SLC5A11: variants seen among roughly 807,000 people sequenced by gnomAD.
SLC5A11 encodes the protein solute carrier family 5 member 11, also known as sodium/myo-inositol cotransporter 2.
Under a neutral mutation model 69.8 loss-of-function variants are expected in SLC5A11, and 48 were observed. The ratio of observed to expected loss-of-function variants is 0.69; its 90% CI spans 0.55 to 0.87. SLC5A11 has a LOEUF of 0.87. SLC5A11 is among the 40% of genes least tolerant of loss of function. The pLI, the probability that SLC5A11 is intolerant of heterozygous loss-of-function variation, is 0.00. For missense variants in SLC5A11, 784 were observed against 866.1 expected (o/e 0.91, Z 1.19); for synonymous variants, 319 against 342.4 (o/e 0.93, Z 0.75).
chr16:24,890,591 T>TTCATGG (rs1313485490), intron 8 of SLC5A11, among the ~76,000 whole-genome samples: 4 of 151,814 alleles, frequency 2.6e-5, no homozygotes, highest in Non-Finnish European at 5.9e-5. Context: ...TTCATTACTT[T>TTCATGG]GTGACGGAGG....
At chr16:24,888,783 CTTTTTTTTTTTTTTTTTT>C (rs1169015317) in intron 8 of SLC5A11, among the ~76,000 whole-genome samples, 1 of 45,740 alleles carries the variant, frequency 2.2e-5, no homozygotes, top group African/African-American at 7.7e-5. Flanking sequence ...CGTGCCTGTC[CTTTTTTTTTTTTTTTTTT>C]TTTTTTTTTT....
chr16:24,911,534 T>C (rs2050530983), exon 16 of SLC5A11: 1 of 1,614,198 alleles, frequency 6.2e-7, no homozygotes, highest in South Asian at 1.1e-5. Context: ...TTTTGCTTAG[T>C]GTGGGGTGAA....
At chr16:24,848,309 C>T (rs2059117511) in intron 1 of SLC5A11, among the ~76,000 whole-genome samples, 2 of 151,974 alleles carry the variant, frequency 1.3e-5, no homozygotes, top group African/African-American at 2.4e-5. Context: ...GTGTGAGGGG[C>T]GGATTAAAAG....
intron 4 of SLC5A11, 64 bp from the exon 6 acceptor site, chr16:24,872,096 G>A: frequency 6.2e-7 from 1 of 1,604,828 alleles, no homozygotes; most frequent in African/African-American, 1.3e-5. Flanking sequence ...GGCGCAGAGG[G>A]AAATCCAAAT....
rs57145899 is a variant in SLC5A11, at chr16:24,900,918, TAAA to T, written c.1006+2828_1006+2830del. On this transcript the variant is annotated intron_variant, in intron 10 of 15. Transcript: ENST00000347898. ...GGACAACATAGCAAGACCCTATCTC[TAAA>T]AAAAAAAAAAAAAAAAAAGGAAAGA... Among the ~76,000 whole-genome samples, 699 of 116,596 alleles carry T rather than the reference TAAA, an allele frequency of 6.0e-3. 10 individuals carry two copies. The highest frequency in any genetic ancestry group is 0.019 in the African/African-American group (633 of 32,480). The allele number at this position is 116,596 out of a possible 152,430, so 76.5% of individuals were successfully genotyped here.
intron 1 of SLC5A11, among the ~76,000 whole-genome samples, chr16:24,849,622 A>ATATATATATATATATC (rs1459859144): frequency 7.8e-6 from 1 of 128,238 alleles, no homozygotes; most frequent in Non-Finnish European, 1.6e-5. Context: ...ATATATATAT[A>ATATATATATATATATC]TCCATGAGAG....
chr16:24,890,300 G>A (rs143631213), intron 8 of SLC5A11, among the ~76,000 whole-genome samples: 1,925 of 151,706 alleles, frequency 0.013, 49 homozygotes, highest in African/African-American at 0.044. Flanking sequence ...CCTGGCCAAC[G>A]TGGTGAAACC....
At chr16:24,868,434 C>CA (rs527506260) in intron 3 of SLC5A11, among the ~76,000 whole-genome samples, 25,785 of 128,692 alleles carry the variant, frequency 0.2, 2,416 homozygotes, top group South Asian at 0.32. Flanking sequence ...ACTAAAAATA[C>CA]AAAAAAAAAA....
At chr16:24,856,597 C>CAAAAAA (rs35867622) in intron 1 of SLC5A11, among the ~76,000 whole-genome samples, 23 of 88,812 alleles carry the variant, frequency 2.6e-4, no homozygotes, top group African/African-American at 3.9e-4. Flanking sequence ...ACTAAAAATA[C>CAAAAAA]AAAAAAAAAA....
At chr16:24,851,570 C>G (rs2059309038) in intron 1 of SLC5A11, among the ~76,000 whole-genome samples, 1 of 151,936 alleles carries the variant, frequency 6.6e-6, no homozygotes, top group Non-Finnish European at 1.5e-5. Context: ...AAACAAAACT[C>G]CTGGGCTCAA....
At chr16:24,890,503 A>G (rs2048708903) in intron 8 of SLC5A11, among the ~76,000 whole-genome samples, 1 of 57,886 alleles carries the variant, frequency 1.7e-5, no homozygotes, top group African/African-American at 5.7e-5. Context: ...AAAAAAAAAA[A>G]AAAAAAAAAA....
At chr16:24,848,914 G>A (rs1222619739) in intron 1 of SLC5A11, among the ~76,000 whole-genome samples, 1 of 152,214 alleles carries the variant, frequency 6.6e-6, no homozygotes, top group Non-Finnish European at 1.5e-5. Flanking sequence ...AAGGGTGATA[G>A]CACTAAAAAT....
At chr16:24,870,093 T>A (rs1331627078) in intron 4 of SLC5A11, 88 bp downstream of exon 5, 2 of 957,338 alleles carry the variant, frequency 2.1e-6, no homozygotes, top group African/African-American at 3.2e-5. Context: ...GCCCTGCACT[T>A]TAAAAATAGA....
At chr16:24,850,833 CAG>C in intron 1 of SLC5A11, among the ~76,000 whole-genome samples, 1 of 151,254 alleles carries the variant, frequency 6.6e-6, no homozygotes, top group South Asian at 2.1e-4. Context: ...TTCTTTAAGA[CAG>C]AGTCTTGCTC....
intron 9 of SLC5A11, among the ~76,000 whole-genome samples, chr16:24,892,563 G>A (rs550775992): frequency 1.3e-5 from 2 of 152,228 alleles, no homozygotes; most frequent in Non-Finnish European, 1.5e-5. Flanking sequence ...GAGGCAGGGC[G>A]GGTGGGAAGG....
At chr16:24,882,440 G>A (rs183658676) in intron 7 of SLC5A11, among the ~76,000 whole-genome samples, 1 of 152,248 alleles carries the variant, frequency 6.6e-6, no homozygotes, top group African/African-American at 2.4e-5. Flanking sequence ...GAAGGAAGGA[G>A]GGATCCTGGA....
intron 9 of SLC5A11, among the ~76,000 whole-genome samples, chr16:24,895,953 C>T (rs991637847): frequency 1.3e-5 from 2 of 152,044 alleles, no homozygotes; most frequent in East Asian, 1.9e-4. Context: ...GGGTTTGCAG[C>T]AAGTCTTAAC....
intron 10 of SLC5A11, among the ~76,000 whole-genome samples, chr16:24,904,722 G>A (rs989320487): frequency 6.6e-6 from 1 of 152,088 alleles, no homozygotes; most frequent in African/African-American, 2.4e-5. Flanking sequence ...GTTCTTGTGA[G>A]CCTGGAAAAA....
chr16:24,903,690 C>G (rs1358278028), intron 10 of SLC5A11, among the ~76,000 whole-genome samples: 2 of 152,144 alleles, frequency 1.3e-5, no homozygotes, highest in Non-Finnish European at 2.9e-5. Flanking sequence ...AAAAGAATTT[C>G]ATTCTTTTTT....
Sources: allele counts gnomAD v4.1 joint callset (sites outside exome capture counted in the v4.1 genomes callset), GRCh38; gene constraint gnomAD v4.1.1; transcripts MANE v1.5; gene names NCBI Gene and HGNC (gene_info 2026-07-23, HGNC 2026-07-21).